RDH11: variants seen among roughly 807,000 people sequenced by gnomAD.
The protein encoded by RDH11 is retinol dehydrogenase 11.
Under a neutral mutation model 33.4 loss-of-function variants are expected in RDH11, and 19 were observed. The ratio of observed to expected loss-of-function variants is 0.57; its 90% confidence interval spans 0.40 to 0.83. The LOEUF is 0.83. Ranked by LOEUF, RDH11 falls within the 40% of genes least tolerant of loss-of-function variation. The probability of loss-of-function intolerance (pLI) is 0.00; values close to 1 mark genes in which losing one functional copy is unlikely to be tolerated. For missense variants in RDH11, 353 were observed against 389.0 expected, an observed-to-expected ratio of 0.91 and a Z score of 0.78; for synonymous variants, 154 against 155.3, an observed-to-expected ratio of 0.99 and a Z score of 0.06.
Position 67,695,676 on chromosome 14 carries a change from G to C in RDH11, c.28C>G (p.Leu10Val), listed in dbSNP as rs752344507. 2 of 1,614,220 alleles carry C rather than the reference G, an allele frequency of 1.2e-6. No individual in the cohort carries two copies. The highest frequency in any genetic ancestry group is 1.7e-6 in the Non-Finnish European group (2 of 1,180,040). The change falls in exon 1 of 7, where the codon CTC becomes GTC. Residue 10 changes from leucine (L) to valine (V), a missense_variant. Physicochemically the swap from Leu to Val is conservative, Grantham distance 32. Transcript: ENST00000381346. ...TACAGAAGGAAGGGCAGAAGGAGGA[G>C]CAACAGCGGGAACATGAGCTCAACC... MVELMFPLL[L>V]LLLPFLLYMA...
chr14:67,692,519 C>T lies in RDH11; in HGVS notation c.268G>A (p.Gly90Arg), dbSNP rs749144777. Reference sequence around the variant, plus strand: ...TTCCGCACCAACACCTGCTGGTTCCCTGTCGTGGTCTGGATCTCTTTGGCC... The same window carrying T: ...TTCCGCACCAACACCTGCTGGTTCCTTGTCGTGGTCTGGATCTCTTTGGCC... The part of the protein sequence containing the change: ...LVAKEIQTTT[G>R]NQQVLVRKLD... The change falls in exon 3 of 7, where the codon GGG becomes AGG. Residue 90 changes from glycine (G) to arginine (R), a missense_variant. Physicochemically the swap from Gly to Arg is moderately radical, Grantham distance 125. Coordinates refer to ENST00000381346, the MANE Select transcript of RDH11 (RefSeq NM_016026.4). The T allele has an allele frequency of 6.2e-7, 1 of 1,613,582 alleles. No homozygotes were observed. Among genetic ancestry groups the T allele is most frequent in the Non-Finnish European group, 8.5e-7 (1 of 1,179,822 alleles).
Position 67,678,142 on chromosome 14 carries a change from C to G in RDH11, c.*179G>C. 1 of 545,988 alleles carries G rather than the reference C, an allele frequency of 1.8e-6. No individual in the cohort carries two copies. Among genetic ancestry groups the G allele is most frequent in the East Asian group, 3.1e-5 (1 of 32,026 alleles). The allele number at this position is 545,988 out of a possible 1,614,324, so 33.8% of individuals were successfully genotyped here. A position where few individuals can be genotyped will look rare whatever the true frequency, so the allele number is the denominator to read the frequency against. ...AGAAGCAAAGTAAATCTGGACATGA[C>G]AGACATTTAGACGAATCTGGCAGTA... On this transcript the variant is annotated 3_prime_UTR_variant, in exon 7 of 7. Coordinates refer to ENST00000381346, the MANE Select transcript of RDH11 (RefSeq NM_016026.4).
In RDH11 at chr14:67,684,958, C is replaced by G. The variant is rs189745965; in HGVS notation, c.854+57G>C. On this transcript the variant is annotated intron_variant, in intron 6 of 6. Transcript: ENST00000381346. ...TAAAAAAGGGTATACCCAGACAAACCCAAATTATCTCCTTTGAGCAATAAA... is the reference window on the plus strand; with the variant it reads ...TAAAAAAGGGTATACCCAGACAAACGCAAATTATCTCCTTTGAGCAATAAA... The G allele has an allele frequency of 1.4e-5, 20 of 1,465,926 alleles. No individual in the cohort carries two copies. In the East Asian group the frequency reaches 4.4e-4, roughly 32 times the overall value. The allele number at this position is 1,465,926 out of a possible 1,614,324, so 90.8% of individuals were successfully genotyped here.
intron 6 of RDH11, among the ~76,000 whole-genome samples, chr14:67,683,282 TA>T (rs1236351663): frequency 6.6e-6 from 1 of 151,890 alleles, no homozygotes; most frequent in Non-Finnish European, 1.5e-5. Flanking sequence ...GATAAAGGGT[TA>T]TTTTTTTTTT....
intron 5 of RDH11, 63 bp from the exon 6 acceptor site, chr14:67,685,267 C>A: frequency 7.3e-7 from 1 of 1,377,066 alleles, no homozygotes; most frequent in Non-Finnish European, 1.0e-6. Flanking sequence ...TAGCCCAAAA[C>A]AGAAAAGGAT....
chr14:67,689,379 G>C (rs944744389), intron 5 of RDH11, among the ~76,000 whole-genome samples: 1 of 152,190 alleles, frequency 6.6e-6, no homozygotes, highest in Non-Finnish European at 1.5e-5. Flanking sequence ...AGAGTAGACA[G>C]TGCTAAGGAC....
Position 67,692,982 on chromosome 14 carries a change from C to A in RDH11, c.145G>T (p.Ala49Ser). The A allele has an allele frequency of 1.2e-6, 2 of 1,614,134 alleles. No individual in the cohort carries two copies. The highest frequency in any genetic ancestry group is 1.7e-6 in the Non-Finnish European group (2 of 1,180,012). ...LPGKVVVVTG[A>S]NTGIGKETAK... ...GTCTCCTTCCCGATACCTGTATTAG[C>A]TCCTGTGACCACAACTACTTTCCCA... The change falls in exon 2 of 7, where the codon GCT becomes TCT. Residue 49 changes from alanine to serine, a missense_variant. Ala to Ser is a moderately conservative substitution (Grantham distance 99). Transcript: ENST00000381346.
chr14:67,679,165 G>C (rs910415010), intron 6 of RDH11, among the ~76,000 whole-genome samples: 1 of 152,012 alleles, frequency 6.6e-6, no homozygotes, highest in African/African-American at 2.4e-5. Flanking sequence ...AGAGGGAAGG[G>C]GACACAAGTC....
At chr14:67,689,842 G>A (rs1594851498) in intron 5 of RDH11, among the ~76,000 whole-genome samples, 2 of 152,200 alleles carry the variant, frequency 1.3e-5, no homozygotes. Context: ...TACTCAGGAG[G>A]CTGAGGCAGG....
rs893040456 is a variant in RDH11, at chr14:67,689,782, A to G, written c.664+430T>C. ...AACATGGTGAAATCCTGTCTCTACT[A>G]AAAATACAAAAATTAGCCAGGCCTG... On this transcript the variant is annotated intron_variant, in intron 5 of 6. Transcript: ENST00000381346. 3.3e-5 allele frequency among the ~76,000 whole-genome samples: 5 copies of G among 152,042 alleles called. No homozygotes were observed. In the South Asian group the frequency reaches 1.0e-3, roughly 32 times the overall value.
intron 6 of RDH11, 48 bp from the exon 7 acceptor site, chr14:67,678,471 C>T: frequency 1.6e-6 from 2 of 1,253,630 alleles, no homozygotes; most frequent in South Asian, 1.2e-5. Flanking sequence ...AGAATGAAGT[C>T]TGCCATCTGC....
intron 6 of RDH11, chr14:67,684,388 T>A (rs1270312856): frequency 6.6e-6 from 1 of 152,106 alleles, no homozygotes; most frequent in East Asian, 1.9e-4. Flanking sequence ...GGGTAGAGAA[T>A]GGGGATAGGG....
chr14:67,680,530 C>T (rs777067471), intron 6 of RDH11, among the ~76,000 whole-genome samples: 3 of 152,082 alleles, frequency 2.0e-5, no homozygotes, highest in Admixed American at 1.3e-4. Context: ...GTGGTGTGAT[C>T]GCAGCTCACT....
chr14:67,694,880 G>C (rs907637445), intron 1 of RDH11, among the ~76,000 whole-genome samples: 1 of 152,140 alleles, frequency 6.6e-6, no homozygotes, highest in African/African-American at 2.4e-5. Flanking sequence ...TCACTGGTCC[G>C]TCACCACTGG....
intron 1 of RDH11, among the ~76,000 whole-genome samples, chr14:67,694,797 G>A (rs2037807896): frequency 6.6e-6 from 1 of 152,166 alleles, no homozygotes; most frequent in African/African-American, 2.4e-5. Flanking sequence ...AAATGACTGT[G>A]ATCTGGCCTG....
At chr14:67,688,952 CTGAA>C (rs1179754724) in intron 5 of RDH11, among the ~76,000 whole-genome samples, 3 of 152,270 alleles carry the variant, frequency 2.0e-5, no homozygotes, top group East Asian at 1.9e-4. Flanking sequence ...TGCTGAATGG[CTGAA>C]TGAATGAATC....
At chr14:67,688,086 T>G (rs987315748) in intron 5 of RDH11, among the ~76,000 whole-genome samples, 2 of 152,050 alleles carry the variant, frequency 1.3e-5, no homozygotes, top group Non-Finnish European at 1.5e-5. Context: ...GCCTCCACAT[T>G]CTATCAGTAC....
At position 67,690,363 on chromosome 14, in the gene RDH11, C is replaced by A. The variant is rs745962202; in HGVS notation, c.513G>T (p.Arg171Ser). The change falls in exon 5 of 7, where the codon AGG becomes AGT. Residue 171 changes from arginine to serine, a missense_variant. By Grantham distance (110) the Arg-to-Ser change is moderately radical (BLOSUM62 -1). Coordinates refer to ENST00000381346, the MANE Select transcript of RDH11 (RefSeq NM_016026.4). ...LEKLKESAPS[R>S]IVNVSSLAHH... is the part of the protein sequence containing the mutation. ...GTGCGAGGGAAGACACATTTACTAT[C>A]CTTGATGGGGCTGATTCCTTTAGTT... 1 of 1,614,190 alleles carries A rather than the reference C, an allele frequency of 6.2e-7. No homozygotes were observed. The highest frequency in any genetic ancestry group is 1.1e-5 in the South Asian group (1 of 91,090).
intron 6 of RDH11, among the ~76,000 whole-genome samples, chr14:67,682,933 T>C (rs2037632199): frequency 6.6e-6 from 1 of 152,260 alleles, no homozygotes; most frequent in Non-Finnish European, 1.5e-5. Context: ...TGCTTTAGCA[T>C]GGATGACCCT....
Sources: allele counts gnomAD v4.1 joint callset (sites outside exome capture counted in the v4.1 genomes callset), GRCh38; gene constraint gnomAD v4.1.1; transcripts MANE v1.5; gene names NCBI Gene and HGNC (gene_info 2026-07-23, HGNC 2026-07-21).